Variants in DAG1 observed in about 807,000 individuals in gnomAD.
The protein encoded by DAG1 is dystroglycan 1 (dystrophin-associated glycoprotein 1).
Under a neutral mutation model 46.1 loss-of-function variants are expected in DAG1, and 8 were observed. The observed-to-expected ratio is 0.17, with a 90% CI of 0.10 to 0.31. The LOEUF is 0.31. Ranked by LOEUF, DAG1 falls within the 10% of genes least tolerant of loss-of-function variation. The pLI, the probability that DAG1 is intolerant of heterozygous loss-of-function variation, is 1.00. For missense variants in DAG1, 1,003 were observed against 1,189.9 expected (o/e 0.84, Z 2.31); for synonymous variants, 495 against 481.8 (o/e 1.03, Z -0.36).
chr3:49,503,933 T>A (rs1293363207), intron 1 of DAG1, among the ~76,000 whole-genome samples: 1 of 152,140 alleles, frequency 6.6e-6, no homozygotes, highest in Non-Finnish European at 1.5e-5. Flanking sequence ...ATTTAAAAGA[T>A]TTTTTGAGAT....
intron 2 of DAG1, among the ~76,000 whole-genome samples, chr3:49,522,489 T>A (rs1212405494): frequency 1.5e-5 from 2 of 133,086 alleles, no homozygotes; most frequent in Non-Finnish European, 3.2e-5. Context: ...TTTTTTTTTT[T>A]AAGACTGCAT....
intron 2 of DAG1, among the ~76,000 whole-genome samples, chr3:49,520,345 C>T (rs546540379): frequency 6.6e-6 from 1 of 152,358 alleles, no homozygotes; most frequent in South Asian, 2.1e-4. Context: ...GGGTCCATCT[C>T]CTGCTTCCCT....
At chr3:49,505,931 A>G (rs1381913510) in intron 1 of DAG1, among the ~76,000 whole-genome samples, 1 of 149,656 alleles carries the variant, frequency 6.7e-6, no homozygotes, top group African/African-American at 2.5e-5. Context: ...CGGCCCCCCA[A>G]GGTGCTGGAA....
At chr3:49,469,845 T>C (rs1277382741), upstream of DAG1, among the ~76,000 whole-genome samples, 1 of 152,226 alleles carries the variant, frequency 6.6e-6, no homozygotes, top group Non-Finnish European at 1.5e-5. Flanking sequence ...GGTGGCCAGT[T>C]GCTGGGCCAG....
intron 1 of DAG1, among the ~76,000 whole-genome samples, chr3:49,478,273 CAAAAAAAA>C (rs71278644): frequency 8.9e-5 from 8 of 90,006 alleles, no homozygotes; most frequent in South Asian, 3.4e-4. Flanking sequence ...GACTCTGTCT[CAAAAAAAA>C]AAAAAAAAGA....
At chr3:49,525,489 A>C (rs865985325) in intron 2 of DAG1, among the ~76,000 whole-genome samples, 2 of 152,190 alleles carry the variant, frequency 1.3e-5, no homozygotes, top group South Asian at 4.1e-4. Context: ...TCATAGTGGA[A>C]AGCAAAGGGA....
intron 1 of DAG1, among the ~76,000 whole-genome samples, chr3:49,486,594 G>A (rs558730159): frequency 1.3e-5 from 2 of 151,734 alleles, no homozygotes; most frequent in Admixed American, 6.6e-5. Context: ...GCTCCACCTC[G>A]TGGGTTCAAG....
At position 49,533,356 on chromosome 3, in the gene DAG1, T is replaced by C; in HGVS notation, c.*157T>C. 1.8e-6 allele frequency: 2 copies of C among 1,129,510 alleles called. No homozygotes were observed. Among genetic ancestry groups the C allele is most frequent in the Non-Finnish European group, 2.6e-6 (2 of 775,658 alleles). 70.0% of individuals were successfully genotyped at this position (1,129,510 alleles called of 1,614,324 possible). A position where few individuals can be genotyped will look rare whatever the true frequency, so the allele number is the denominator to read the frequency against. ...GGGGCCTGGACAAGCCCGCCCTCTC[T>C]GGTCCTCCCAAACCCCAAAGCAGCT... On this transcript the variant is annotated 3_prime_UTR_variant, in exon 3 of 3. Coordinates refer to ENST00000308775, the MANE Select transcript of DAG1 (RefSeq NM_004393.6).
chr3:49,495,800 A>T (rs745554269), intron 1 of DAG1, among the ~76,000 whole-genome samples: 27 of 151,932 alleles, frequency 1.8e-4, no homozygotes, highest in Non-Finnish European at 3.4e-4. Flanking sequence ...GGCACCTGTA[A>T]CCCCAGCTAC....
chr3:49,496,996 CA>C (rs935308939), intron 1 of DAG1, among the ~76,000 whole-genome samples: 6 of 151,782 alleles, frequency 4.0e-5, no homozygotes, highest in African/African-American at 1.5e-4. Context: ...CCATCTTAAC[CA>C]TTAAAAATGT....
chr3:49,516,101 T>C (rs995275989), intron 2 of DAG1, among the ~76,000 whole-genome samples: 4 of 152,204 alleles, frequency 2.6e-5, no homozygotes, highest in African/African-American at 9.6e-5. Context: ...TACAGCCATA[T>C]CTTTCAGGCT....
Position 49,474,385 on chromosome 3 carries a change from G to A in DAG1, c.-117+3952G>A, listed in dbSNP as rs570478460. On this transcript the variant is annotated intron_variant, in intron 1 of 2. Coordinates refer to ENST00000308775, the MANE Select transcript of DAG1 (RefSeq NM_004393.6). ...TTTTGAGGTGGAGTTTCGCTCCTTT[G>A]CCCAGTGTGGAGTGAAGTGGTGCGA... Among the ~76,000 whole-genome samples, 3 of 150,902 alleles carry A rather than the reference G, an allele frequency of 2.0e-5. No homozygotes were observed. The East Asian group carries it at 6.0e-4, about 30-fold the overall frequency.
intron 1 of DAG1, among the ~76,000 whole-genome samples, chr3:49,495,313 C>G (rs1559555867): frequency 6.6e-6 from 1 of 152,166 alleles, no homozygotes; most frequent in Non-Finnish European, 1.5e-5. Flanking sequence ...TTTGTTACCA[C>G]TTGTGTTTCC....
chr3:49,514,945 C>T (rs1165644662), intron 2 of DAG1, among the ~76,000 whole-genome samples: 7 of 152,002 alleles, frequency 4.6e-5, no homozygotes, highest in African/African-American at 1.7e-4. Flanking sequence ...GTGCAACCTC[C>T]GCCTCCTGGG....
intron 1 of DAG1, among the ~76,000 whole-genome samples, chr3:49,492,373 G>A (rs1003964937): frequency 6.6e-6 from 1 of 152,236 alleles, no homozygotes; most frequent in Non-Finnish European, 1.5e-5. Context: ...TGGACTGGAT[G>A]TGGTGGTTTA....
At chr3:49,506,969 A>T (rs1020810242) in intron 1 of DAG1, among the ~76,000 whole-genome samples, 2 of 151,992 alleles carry the variant, frequency 1.3e-5, no homozygotes, top group Admixed American at 6.6e-5. Context: ...ATGAAAAAAA[A>T]AAAAGAAAAA....
intron 1 of DAG1, among the ~76,000 whole-genome samples, chr3:49,498,109 T>C (rs540959453): frequency 6.6e-6 from 1 of 152,310 alleles, no homozygotes; most frequent in East Asian, 1.9e-4. Flanking sequence ...CACGTATTTT[T>C]ACCTTTAAAT....
At chr3:49,512,431 A>C (rs1305311011) in intron 2 of DAG1, among the ~76,000 whole-genome samples, 1 of 148,430 alleles carries the variant, frequency 6.7e-6, no homozygotes, top group Non-Finnish European at 1.5e-5. Flanking sequence ...TCTCTCTGTC[A>C]CCCAAGCTGG....
intron 1 of DAG1, among the ~76,000 whole-genome samples, chr3:49,478,441 A>AT (rs1324910649): frequency 2.7e-5 from 4 of 149,710 alleles, no homozygotes; most frequent in African/African-American, 9.7e-5. Context: ...CAAAAAATAA[A>AT]AAAAAAAAAA....
Sources: gnomAD v4.1 joint callset for allele counts (sites outside exome capture counted in the v4.1 genomes callset) on GRCh38, gnomAD v4.1.1 for gene constraint, MANE v1.5 for transcripts, NCBI Gene and HGNC (gene_info 2026-07-23, HGNC 2026-07-21) for gene names.